RNF38: variants seen among roughly 807,000 people sequenced by gnomAD.
RNF38 encodes E3 ubiquitin-protein ligase RNF38.
A neutral mutation model predicts 67.2 loss-of-function variants in RNF38; 15 were observed. The ratio of observed to expected loss-of-function variants is 0.22; its 90% CI spans 0.15 to 0.34. RNF38 has a LOEUF of 0.34. RNF38 is among the 10% of genes least tolerant of loss of function. The pLI, the probability that RNF38 is intolerant of heterozygous loss-of-function variation, is 1.00. For missense variants in RNF38, 524 were observed against 639.9 expected (o/e 0.82, Z 1.95); for synonymous variants, 220 against 218.8 (o/e 1.01, Z -0.05).
chr9:36,378,993 T>G (rs1836001191), intron 2 of RNF38, among the ~76,000 whole-genome samples: 1 of 151,750 alleles, frequency 6.6e-6, no homozygotes, highest in South Asian at 2.1e-4. Context: ...CTCTGCCTCC[T>G]GGGTTCAAGT....
intron 4 of RNF38, 81 bp from the exon 5 acceptor site, chr9:36,358,023 A>AAGACAGGATTGAAAAAAAAATTAGTTTTC (rs1834255751): frequency 8.8e-7 from 1 of 1,135,150 alleles, no homozygotes; most frequent in Non-Finnish European, 1.3e-6. Context: ...TTGGTCATTT[A>AAGACAGGATTGAAAAAAAAATTAGTTTTC]TTGGCTCCTC....
chr9:36,433,466 C>CA (rs1259066855), intron 1 of RNF38, among the ~76,000 whole-genome samples: 1 of 151,734 alleles, frequency 6.6e-6, no homozygotes, highest in African/African-American at 2.4e-5. Flanking sequence ...TAGGGCCAGG[C>CA]ACAGTGCTCA....
chr9:36,348,123 C>T (rs983631220), intron 9 of RNF38, among the ~76,000 whole-genome samples: 14 of 151,916 alleles, frequency 9.2e-5, no homozygotes, highest in Non-Finnish European at 1.5e-5. Flanking sequence ...GTAAGAAAGG[C>T]ATGTCAAAGC....
chr9:36,400,533 A>T (rs966624511), upstream of RNF38: 2 of 990,580 alleles, frequency 2.0e-6, no homozygotes, highest in Non-Finnish European at 2.4e-6. Flanking sequence ...CGCTGCAGCC[A>T]ACGGCCGCGG....
At chr9:36,393,932 A>G (rs1235966927) in intron 1 of RNF38, among the ~76,000 whole-genome samples, 2 of 152,158 alleles carry the variant, frequency 1.3e-5, no homozygotes, top group African/African-American at 4.8e-5. Context: ...TCAGTCCTAT[A>G]ATCACAAGAA....
intron 1 of RNF38, among the ~76,000 whole-genome samples, chr9:36,477,146 A>G (rs1840139235): frequency 6.6e-6 from 1 of 150,958 alleles, no homozygotes; most frequent in Non-Finnish European, 1.5e-5. Flanking sequence ...AGATGGTGAA[A>G]CCCCATCTCT....
At chr9:36,459,411 T>G (rs1300404755) in intron 1 of RNF38, among the ~76,000 whole-genome samples, 1 of 152,182 alleles carries the variant, frequency 6.6e-6, no homozygotes, top group Non-Finnish European at 1.5e-5. Context: ...ATTTACTCCT[T>G]TTATTTGTCC....
intron 1 of RNF38, among the ~76,000 whole-genome samples, chr9:36,433,697 A>AG (rs1265381629): frequency 6.6e-6 from 1 of 151,694 alleles, no homozygotes; most frequent in East Asian, 1.9e-4. Context: ...AAAAAAAAAA[A>AG]AAAAAAGAAA....
intron 1 of RNF38, among the ~76,000 whole-genome samples, chr9:36,393,477 T>TGTGTGTGTGTGTG (rs1554689571): frequency 3.2e-4 from 28 of 87,794 alleles, no homozygotes; most frequent in African/African-American, 5.5e-4. Flanking sequence ...CACACACACA[T>TGTGTGTGTGTGTG]TGTGTGTGTG....
chr9:36,362,323 A>G (rs986022349), intron 4 of RNF38, among the ~76,000 whole-genome samples: 1 of 151,328 alleles, frequency 6.6e-6, no homozygotes, highest in African/African-American at 2.4e-5. Flanking sequence ...GAGCCATTGC[A>G]CTCCAGCCTA....
At chr9:36,480,548 CTTTTTTTTTTTT>C (rs3072687) in intron 1 of RNF38, among the ~76,000 whole-genome samples, 1 of 100,822 alleles carries the variant, frequency 9.9e-6, no homozygotes, top group Admixed American at 1.3e-4. Flanking sequence ...TTTTCTTTTT[CTTTTTTTTTTTT>C]TTTTTTTTTG....
At chr9:36,438,078 A>T (rs970790725) in intron 1 of RNF38, among the ~76,000 whole-genome samples, 7 of 152,116 alleles carry the variant, frequency 4.6e-5, no homozygotes, top group Admixed American at 3.9e-4. Context: ...AGTAGCTGGG[A>T]CTACAAGTGT....
intron 3 of RNF38, among the ~76,000 whole-genome samples, chr9:36,373,350 T>G (rs1362038097): frequency 6.6e-6 from 1 of 152,096 alleles, no homozygotes; most frequent in Non-Finnish European, 1.5e-5. Context: ...AAAAACAGAA[T>G]GCTTAATAAA....
intron 2 of RNF38, among the ~76,000 whole-genome samples, chr9:36,384,470 T>G (rs1836446594): frequency 6.6e-6 from 1 of 152,138 alleles, no homozygotes; most frequent in African/African-American, 2.4e-5. Flanking sequence ...TACGGAAACC[T>G]AAGAAACACC....
intron 1 of RNF38, among the ~76,000 whole-genome samples, chr9:36,467,950 G>C (rs1478479780): frequency 6.6e-6 from 1 of 152,208 alleles, no homozygotes; most frequent in Non-Finnish European, 1.5e-5. Context: ...GACTAGTAAA[G>C]GCAGAACAAG....
rs577830656 is a variant in RNF38 at position 36,424,177 on chromosome 9, A to T, written n.312+436T>A. On this transcript the variant is annotated intron_variant and non_coding_transcript_variant, in intron 2 of 3. Coordinates refer to the RNF38 transcript ENST00000488058. Reference sequence around the variant, plus strand: ...GGCCTTTGTAAACAGAGCCAAAAAAATTTTTTGAAGGTAAAGTATAAGAAG... The same window carrying T: ...GGCCTTTGTAAACAGAGCCAAAAAATTTTTTTGAAGGTAAAGTATAAGAAG... Among the ~76,000 whole-genome samples the T allele has an allele frequency of 6.3e-4, 96 of 152,276 alleles. 1 individual carries two copies. Among genetic ancestry groups the T allele is most frequent in the South Asian group, 6.2e-3 (30 of 4,824 alleles).
rs571988233 is a variant in RNF38 at position 36,366,067 on chromosome 9, G to A, written c.570+3652C>T. On this transcript the variant is annotated intron_variant, in intron 4 of 11. Transcript: ENST00000259605. ...ATTTCAAATATGTTCAAAAACAGTA[G>A]CATAAACCCCCATATCCACCGCCCA... Among the ~76,000 whole-genome samples, 1,207 of 152,012 alleles carry A rather than the reference G, an allele frequency of 7.9e-3. 8 individuals are homozygous for A. The highest frequency in any genetic ancestry group is 0.027 in the South Asian group (131 of 4,806).
intron 10 of RNF38, 77 bp downstream of exon 10, chr9:36,344,755 C>T: frequency 7.0e-7 from 1 of 1,428,580 alleles, no homozygotes; most frequent in Non-Finnish European, 9.6e-7. Flanking sequence ...CCAACTTTTA[C>T]CTTAATGACT....
chr9:36,454,355 C>T (rs908291249), intron 1 of RNF38, among the ~76,000 whole-genome samples: 2 of 152,056 alleles, frequency 1.3e-5, no homozygotes, highest in Non-Finnish European at 2.9e-5. Flanking sequence ...TCTAGAACTA[C>T]TGACCTCAAG....
Sources: gnomAD v4.1 joint callset for allele counts (sites outside exome capture counted in the v4.1 genomes callset) on GRCh38, gnomAD v4.1.1 for gene constraint, MANE v1.5 for transcripts, NCBI Gene and HGNC (gene_info 2026-07-23, HGNC 2026-07-21) for gene names.